Variants in PMM2 observed in about 807,000 individuals in gnomAD.
PMM2 encodes the protein phosphomannomutase 2, also known as mannose-6-phosphate isomerase.
Under a neutral mutation model 33.2 loss-of-function variants are expected in PMM2, and 35 were observed. The observed-to-expected ratio is 1.06, with a 90% CI of 0.81 to 1.40. PMM2 has a LOEUF of 1.40. PMM2 is among the 40% of genes most tolerant of loss of function. PMM2 has a pLI of 0.00. For synonymous variants in PMM2, 153 were observed against 114.7 expected (o/e 1.33, Z -2.13); for missense variants, 386 against 306.0 (o/e 1.26, Z -1.95).
chr16:8,832,293 G>C (rs1456841424), intron 7 of PMM2: 1 of 985,348 alleles, frequency 1.0e-6, no homozygotes, highest in African/African-American at 1.7e-5. Context: ...GCGGCTCTCT[G>C]AAAGCGGGTG....
intron 6 of PMM2, 72 bp downstream of exon 6, chr16:8,811,785 AT>A: frequency 9.8e-7 from 1 of 1,015,692 alleles, no homozygotes; most frequent in East Asian, 2.4e-5. Flanking sequence ...CCAGTGAGCT[AT>A]TGATAATGAA....
intron 2 of PMM2, among the ~76,000 whole-genome samples, chr16:8,803,141 T>C (rs1311323124): frequency 6.6e-6 from 1 of 152,104 alleles, no homozygotes; most frequent in African/African-American, 2.4e-5. Context: ...ATTACCCCCG[T>C]TTGAGAACTA....
At chr16:8,841,857 G>C (rs1285150731) in intron 7 of PMM2, among the ~76,000 whole-genome samples, 1 of 149,240 alleles carries the variant, frequency 6.7e-6, no homozygotes, top group Non-Finnish European at 1.5e-5. Flanking sequence ...TTAACAAAGA[G>C]TGAGTACAGC....
chr16:8,829,645 C>T (rs191917768), intron 7 of PMM2, among the ~76,000 whole-genome samples: 1 of 152,172 alleles, frequency 6.6e-6, no homozygotes, highest in South Asian at 2.1e-4. Flanking sequence ...ACGCCTTCCA[C>T]CGGGAATTCA....
chr16:8,837,893 A>C (rs902347994), intron 7 of PMM2, among the ~76,000 whole-genome samples: 2 of 152,106 alleles, frequency 1.3e-5, no homozygotes, highest in Admixed American at 6.5e-5. Flanking sequence ...CGGAGTTTTG[A>C]GTCCACAGAT....
At chr16:8,826,953 A>C (rs533424397) in intron 7 of PMM2, among the ~76,000 whole-genome samples, 1 of 152,288 alleles carries the variant, frequency 6.6e-6, no homozygotes, top group East Asian at 1.9e-4. Flanking sequence ...TTTCTCATAT[A>C]AATTTCTTTT....
chr16:8,822,334 A>G (rs1020134180), intron 7 of PMM2, among the ~76,000 whole-genome samples: 7 of 152,192 alleles, frequency 4.6e-5, no homozygotes, highest in Non-Finnish European at 1.0e-4. Flanking sequence ...CTTAGGTTTT[A>G]TGACAGTGAT....
intron 4 of PMM2, chr16:8,809,089 A>G (rs2060663092): frequency 6.6e-6 from 1 of 152,230 alleles, no homozygotes; most frequent in African/African-American, 2.4e-5. Context: ...AGCAAGTGCC[A>G]TTAGCCTTTC....
chr16:8,805,342 A>G (rs183189548), intron 3 of PMM2, among the ~76,000 whole-genome samples: 1 of 152,188 alleles, frequency 6.6e-6, no homozygotes, highest in African/African-American at 2.4e-5. Flanking sequence ...TGCTGGGATT[A>G]CAGGCATGAG....
At chr16:8,800,169 G>A (rs992186607) in intron 1 of PMM2, among the ~76,000 whole-genome samples, 4 of 152,012 alleles carry the variant, frequency 2.6e-5, no homozygotes, top group African/African-American at 9.7e-5. Context: ...GACCAGCCTT[G>A]CCAACATGGT....
At chr16:8,816,509 G>A (rs1294312449) in intron 7 of PMM2, among the ~76,000 whole-genome samples, 1 of 151,878 alleles carries the variant, frequency 6.6e-6, no homozygotes, top group African/African-American at 2.4e-5. Flanking sequence ...GGGAGGCCAA[G>A]GTGGGCGGAT....
At chr16:8,842,682 G>A (rs189333040) in intron 7 of PMM2, among the ~76,000 whole-genome samples, 9 of 152,202 alleles carry the variant, frequency 5.9e-5, no homozygotes, top group Admixed American at 2.0e-4. Context: ...TTGATAAGGC[G>A]CAGATCCTGA....
At chr16:8,815,705 C>A (rs1259652966) in intron 7 of PMM2, among the ~76,000 whole-genome samples, 1 of 152,012 alleles carries the variant, frequency 6.6e-6, no homozygotes, top group Non-Finnish European at 1.5e-5. Context: ...AAACACAGGA[C>A]CTGAAACTGT....
intron 7 of PMM2, among the ~76,000 whole-genome samples, chr16:8,813,848 T>C (rs2060691651): frequency 7.3e-6 from 1 of 137,088 alleles, no homozygotes; most frequent in Non-Finnish European, 1.5e-5. Context: ...GCCAGCTCCT[T>C]TTCTTTCTCT....
At chr16:8,828,626 G>C (rs1384513271) in intron 7 of PMM2, among the ~76,000 whole-genome samples, 1 of 152,104 alleles carries the variant, frequency 6.6e-6, no homozygotes, top group East Asian at 1.9e-4. Flanking sequence ...CCAAAGTCAA[G>C]TTTTTCAGGA....
Position 8,806,380 on chromosome 16 carries a change from T to C in PMM2, c.320T>C (p.Ile107Thr), listed in dbSNP as rs2060647817. 2 of 1,613,094 alleles carry C rather than the reference T, an allele frequency of 1.2e-6. No individual in the cohort carries two copies. The highest frequency in any genetic ancestry group is 1.3e-5 in the African/African-American group (1 of 74,890). ...QDLINYCLSYIAKIKLPKKRG... is the reference protein window; with the variant it reads ...QDLINYCLSYTAKIKLPKKRG... ...TTAATCAACTACTGTCTGAGCTACA[T>C]TGCGAAAATTAAACTCCCGAAGAAG... Residue 107 changes from isoleucine to threonine, a missense_variant, in exon 4 of 8, where the codon ATT becomes ACT. Physicochemically the swap from Ile to Thr is moderately conservative, Grantham distance 89 (BLOSUM62 -1). Coordinates refer to ENST00000268261, the MANE Select transcript of PMM2 (RefSeq NM_000303.3).
At chr16:8,833,173 C>A (rs2060821717) in intron 7 of PMM2, among the ~76,000 whole-genome samples, 1 of 152,162 alleles carries the variant, frequency 6.6e-6, no homozygotes, top group Non-Finnish European at 1.5e-5. Flanking sequence ...ATCATTAGTT[C>A]TTATGGGTTT....
At chr16:8,818,327 C>G (rs928131447) in intron 7 of PMM2, among the ~76,000 whole-genome samples, 5 of 152,210 alleles carry the variant, frequency 3.3e-5, no homozygotes, top group Non-Finnish European at 7.3e-5. Context: ...GGTGAACATT[C>G]TTGCACGATT....
At chr16:8,815,258 C>T (rs576004306) in intron 7 of PMM2, among the ~76,000 whole-genome samples, 12 of 145,306 alleles carry the variant, frequency 8.3e-5, no homozygotes, top group East Asian at 2.0e-4. Context: ...CTCGCTCTGT[C>T]GCCCAGGCTA....
Sources: allele counts gnomAD v4.1 joint callset (sites outside exome capture counted in the v4.1 genomes callset), GRCh38; gene constraint gnomAD v4.1.1; transcripts MANE v1.5; gene names NCBI Gene and HGNC (gene_info 2026-07-23, HGNC 2026-07-21).